Variants in DNAH8 observed in about 807,000 individuals in gnomAD.
DNAH8 encodes the protein dynein axonemal heavy chain 8, also known as axonemal beta dynein heavy chain 8.
In DNAH8, 382 loss-of-function variants were observed where a neutral mutation model predicts 562.1. That is an observed-to-expected ratio of 0.68 (90% CI 0.63 to 0.74). DNAH8 has a LOEUF of 0.74. DNAH8 is among the 30% of genes least tolerant of loss of function. The pLI, the probability that DNAH8 is intolerant of heterozygous loss-of-function variation, is 0.00. For missense variants in DNAH8, 5,203 were observed against 5,620.4 expected (o/e 0.93, Z 2.37); for synonymous variants, 1,881 against 1,919.4 (o/e 0.98, Z 0.52).
intron 23 of DNAH8, among the ~76,000 whole-genome samples, chr6:38,806,472 C>T (rs1771285192): frequency 6.6e-6 from 1 of 152,162 alleles, no homozygotes; most frequent in Non-Finnish European, 1.5e-5. Flanking sequence ...GCACTCCCCT[C>T]TCAGAAGTGC....
At position 38,923,185 on chromosome 6, in the gene DNAH8, G is replaced by C; in HGVS notation, c.10790G>C (p.Arg3597Thr). The C allele has an allele frequency of 6.2e-7, 1 of 1,613,164 alleles. No homozygotes were observed. Among genetic ancestry groups the C allele is most frequent in the South Asian group, 1.1e-5 (1 of 90,904 alleles). Reference protein sequence around the residue: ...QSKEFKAQINRLVGDILLCTG... With the variant: ...QSKEFKAQINTLVGDILLCTG... ...AAAGAATTCAAAGCTCAGATTAATA[G>C]GTGGGAATCTGGGTCTTCTTCATAA... is the stretch of plus-strand genomic sequence containing the variant. Residue 3597 changes from arginine (R) to threonine (T), a missense_variant and splice_region_variant, in exon 72 of 93, where the codon AGA (arginine) becomes ACA (threonine). Physicochemically the swap from Arg to Thr is moderately conservative, Grantham distance 71. Transcript: ENST00000327475.
At chr6:39,027,563 C>T (rs1017543863) in intron 92 of DNAH8, among the ~76,000 whole-genome samples, 2 of 152,186 alleles carry the variant, frequency 1.3e-5, no homozygotes, top group Non-Finnish European at 2.9e-5. Context: ...CACGGTGGCT[C>T]ACGCCTGTAA....
chr6:38,784,129 TA>T (rs1179006116), intron 17 of DNAH8, among the ~76,000 whole-genome samples: 60 of 152,282 alleles, frequency 3.9e-4, no homozygotes, highest in Middle Eastern at 3.4e-3. Context: ...ACAGGAACCG[TA>T]GGTAAGCCTT....
chr6:38,993,671 A>G lies in DNAH8; in HGVS notation c.13214+3499A>G, dbSNP rs560115307. On this transcript the variant is annotated intron_variant, in intron 88 of 92. Coordinates refer to ENST00000327475, the MANE Select transcript of DNAH8 (RefSeq NM_001206927.2). Reference sequence around the variant, plus strand: ...ACCCTTTCTTATACAAAGTTGCCAAACTATATCTATTGTGTTGTGTCTTGC... The same window carrying G: ...ACCCTTTCTTATACAAAGTTGCCAAGCTATATCTATTGTGTTGTGTCTTGC... Among the ~76,000 whole-genome samples the G allele has an allele frequency of 7.7e-5, 10 of 130,290 alleles. No individual in the cohort carries two copies. In the South Asian group the frequency reaches 2.2e-3, roughly 29 times the overall value. 85.5% of individuals were successfully genotyped at this position (130,290 alleles called of 152,430 possible).
intron 88 of DNAH8, among the ~76,000 whole-genome samples, chr6:38,998,468 T>C (rs888165582): frequency 1.3e-5 from 2 of 152,234 alleles, no homozygotes; most frequent in African/African-American, 2.4e-5. Context: ...TTCTGAAATT[T>C]ATCAAATGCC....
rs77334671 is a variant in DNAH8, at chr6:39,001,957, A to G, written c.13215-6857A>G. Among the ~76,000 whole-genome samples the G allele has an allele frequency of 0.011, 1,687 of 152,174 alleles. 109 individuals carry two copies. The East Asian group carries it at 0.16, about 14-fold the overall frequency. The stretch of plus-strand genomic sequence containing the variant: ...TGGAACTAGAGCTTGGAAACTAAGA[A>G]GGTCTGGGGAGCCACAGCAAGGAGG... On this transcript the variant is annotated intron_variant, in intron 88 of 92. Coordinates refer to ENST00000327475, the MANE Select transcript of DNAH8 (RefSeq NM_001206927.2).
At chr6:38,877,975 C>A (rs551733092) in intron 53 of DNAH8, among the ~76,000 whole-genome samples, 1 of 152,092 alleles carries the variant, frequency 6.6e-6, no homozygotes, top group South Asian at 2.1e-4. Context: ...AGGGGAAGAT[C>A]AAATAGAATT....
At chr6:38,766,653 T>A (rs942968988) in intron 11 of DNAH8, among the ~76,000 whole-genome samples, 6 of 152,006 alleles carry the variant, frequency 3.9e-5, no homozygotes, top group Admixed American at 3.3e-4. Context: ...ATTGTATACT[T>A]GACATTTGCT....
At chr6:38,937,011 A>G (rs943948222) in intron 77 of DNAH8, among the ~76,000 whole-genome samples, 2 of 152,170 alleles carry the variant, frequency 1.3e-5, no homozygotes, top group African/African-American at 2.4e-5. Context: ...TATTTCCATT[A>G]AAAACAATAA....
Position 39,012,245 on chromosome 6 carries a change from C to T in DNAH8, c.13402C>T (p.Leu4468Phe), listed in dbSNP as rs200138700. 54 of 1,611,082 alleles carry T rather than the reference C, an allele frequency of 3.4e-5. No individual in the cohort carries two copies. Among genetic ancestry groups the T allele is most frequent in the Non-Finnish European group, 1.2e-5 (14 of 1,177,998 alleles). ...ATCTCGTTTGATAAAGATGGGCCAT[C>T]TTAATTCAATGAACATATTTCTTAG... ...VKSRLIKMGH[L>F]NSMNIFLRQE... The change falls in exon 90 of 93, where the codon CTT becomes TTT. Residue 4468 changes from leucine (L) to phenylalanine (F), a missense_variant. Physicochemically the swap from Leu to Phe is conservative, Grantham distance 22. Around this residue, in one of 6 missense-constraint regions of DNAH8, gnomAD observed 1,399 missense variants for 1,518.4 expected, o/e 0.92. Coordinates refer to ENST00000327475, the MANE Select transcript of DNAH8 (RefSeq NM_001206927.2).
chr6:38,922,897 C>A, intron 71 of DNAH8, 161 bp from the exon 72 acceptor site: 1 of 689,508 alleles, frequency 1.5e-6, no homozygotes, highest in Non-Finnish European at 2.2e-6. Context: ...TATGAATGAT[C>A]AAAATTTAAT....
At chr6:38,907,387 A>G (rs906646017) in intron 63 of DNAH8, among the ~76,000 whole-genome samples, 2 of 152,194 alleles carry the variant, frequency 1.3e-5, no homozygotes, top group African/African-American at 4.8e-5. Context: ...CCAGATTCCT[A>G]GAAGGAAAGC....
Position 38,847,751 on chromosome 6 carries a change from C to A in DNAH8, c.5046-897C>A, listed in dbSNP as rs114948560. 1.8e-3 allele frequency among the ~76,000 whole-genome samples: 273 copies of A among 152,322 alleles called. 2 individuals are homozygous for A. Among genetic ancestry groups the A allele is most frequent in the African/African-American group, 6.3e-3 (264 of 41,576 alleles). On this transcript the variant is annotated intron_variant, in intron 36 of 92. Coordinates refer to ENST00000327475, the MANE Select transcript of DNAH8 (RefSeq NM_001206927.2). ...ACCACATTGAAACTGCTTGCCCTTG[C>A]TACACACTGCAGTCGGCTTCTTGCT...
intron 17 of DNAH8, among the ~76,000 whole-genome samples, chr6:38,785,787 C>T (rs1169622669): frequency 1.3e-5 from 2 of 151,994 alleles, no homozygotes; most frequent in Admixed American, 6.6e-5. Context: ...AGATTCTAAG[C>T]GAGTTGGATA....
At chr6:38,833,484 T>A (rs763356698) in intron 31 of DNAH8, among the ~76,000 whole-genome samples, 17 of 152,150 alleles carry the variant, frequency 1.1e-4, no homozygotes, top group Admixed American at 1.3e-4. Flanking sequence ...ACACAGCCAG[T>A]CAGGCTTCTT....
intron 54 of DNAH8, 41 bp downstream of exon 54, chr6:38,883,093 C>A: frequency 6.6e-7 from 1 of 1,508,958 alleles, no homozygotes; most frequent in Non-Finnish European, 8.9e-7. Flanking sequence ...CACAAACCAT[C>A]CATGGCCACG....
At chr6:39,021,631 C>T (rs1204264942) in intron 91 of DNAH8, among the ~76,000 whole-genome samples, 1 of 152,200 alleles carries the variant, frequency 6.6e-6, no homozygotes, top group Non-Finnish European at 1.5e-5. Flanking sequence ...CAATGAACTA[C>T]ATTTGCTTCT....
intron 12 of DNAH8, among the ~76,000 whole-genome samples, chr6:38,772,024 G>T (rs973488709): frequency 3.7e-5 from 5 of 136,386 alleles, no homozygotes; most frequent in African/African-American, 8.1e-5. Context: ...TGAGGTTTAT[G>T]ATTTCTTTTT....
At chr6:38,794,965 A>G (rs1482505879) in intron 21 of DNAH8, among the ~76,000 whole-genome samples, 2 of 152,186 alleles carry the variant, frequency 1.3e-5, no homozygotes, top group African/African-American at 2.4e-5. Flanking sequence ...TTTAATAGAA[A>G]TTGTCTTTTT....
Sources: allele counts gnomAD v4.1 joint callset (sites outside exome capture counted in the v4.1 genomes callset), GRCh38; gene constraint gnomAD v4.1.1; regional missense constraint gnomAD v4.1.1; transcripts MANE v1.5; gene names NCBI Gene and HGNC (gene_info 2026-07-23, HGNC 2026-07-21).